The following CUEDC2 variants were observed in gnomAD, a reference collection of about 807,000 sequenced individuals.
CUEDC2 encodes the protein CUE domain-containing protein 2.
CUEDC2 carries 10 observed loss-of-function variants against 36.0 expected under a neutral mutation model. The observed-to-expected ratio is 0.28, with a 90% CI of 0.17 to 0.47. The LOEUF (loss-of-function observed/expected upper bound fraction) is 0.47, where lower values mean the gene tolerates loss of function less well. Ranked by LOEUF, CUEDC2 falls within the 20% of genes least tolerant of loss-of-function variation. CUEDC2 has a pLI of 0.99. For synonymous variants in CUEDC2, 133 were observed against 141.8 expected, an observed-to-expected ratio of 0.94 and a Z score of 0.44; for missense variants, 269 against 368.1, an observed-to-expected ratio of 0.73 and a Z score of 2.20.
intron 1 of CUEDC2, among the ~76,000 whole-genome samples, chr10:102,430,147 T>TTTTTTTTATTTATTTA (rs369900351): frequency 3.3e-5 from 4 of 120,470 alleles, no homozygotes; most frequent in African/African-American, 1.3e-4. Context: ...TTTTTTTTAA[T>TTTTTTTTATTTATTTA]TTTATTTATT....
At position 102,423,969 on chromosome 10, in the gene CUEDC2, A is replaced by C; in HGVS notation, c.594+27T>G. ...CAAGGTGGAATGTAGCTGAGGCTAC[A>C]TGGTAGAGGGTGCTGGGAAAAGATA... On this transcript the variant is annotated intron_variant, in intron 6 of 8. Coordinates refer to ENST00000369937, the MANE Select transcript of CUEDC2 (RefSeq NM_024040.3). This position sits in a 1 kb window ranked among gnomAD's most constrained non-coding sequence, Gnocchi z 5.6. The C allele has an allele frequency of 1.9e-6, 3 of 1,610,736 alleles. No homozygotes were observed. The highest frequency in any genetic ancestry group is 2.5e-6 in the Non-Finnish European group (3 of 1,178,388).
intron 1 of CUEDC2, among the ~76,000 whole-genome samples, chr10:102,431,434 G>A (rs575426621): frequency 1.3e-5 from 2 of 152,050 alleles, no homozygotes; most frequent in East Asian, 1.9e-4. Context: ...ATGAACCACC[G>A]CGCCCGGCCG....
At chr10:102,430,150 T>A (rs1479635641) in intron 1 of CUEDC2, among the ~76,000 whole-genome samples, 4 of 142,654 alleles carry the variant, frequency 2.8e-5, no homozygotes, top group Admixed American at 7.0e-5. Flanking sequence ...TTTTTAATTT[T>A]ATTTATTTAT....
In CUEDC2 at chr10:102,424,147, C is replaced by T; in HGVS notation, c.443G>A (p.Gly148Glu). 1 of 1,614,034 alleles carries T rather than the reference C, an allele frequency of 6.2e-7. No homozygotes were observed. ...GAACACCTCCAGGAGTACATCCACCCCTGGCAGAAGCTCCTCCTCAGCGCC... is the reference window on the plus strand; with the variant it reads ...GAACACCTCCAGGAGTACATCCACCTCTGGCAGAAGCTCCTCCTCAGCGCC... ...ATGAEEELLP[G>E]VDVLLEVFPT... Residue 148 changes from glycine to glutamate, a missense_variant, in exon 6 of 9, where the codon GGG becomes GAG. Physicochemically the swap from Gly to Glu is moderately conservative, Grantham distance 98. Transcript: ENST00000369937. The surrounding 1 kb of genome is among the most constrained non-coding windows in gnomAD (Gnocchi z 4.2).
intron 1 of CUEDC2, 107 bp from the exon 2 acceptor site, chr10:102,425,305 G>T: frequency 1.3e-6 from 1 of 756,774 alleles, no homozygotes; most frequent in Non-Finnish European, 2.3e-6. Flanking sequence ...ACCATCTGTT[G>T]ATGCTGCCCT....
At chr10:102,431,436 G>T (rs2061616446) in intron 1 of CUEDC2, among the ~76,000 whole-genome samples, 1 of 152,078 alleles carries the variant, frequency 6.6e-6, no homozygotes, top group African/African-American at 2.4e-5. Flanking sequence ...GAACCACCGC[G>T]CCCGGCCGTA....
Position 102,424,359 on chromosome 10 carries a change from G to C in CUEDC2, c.316C>G (p.Gln106Glu). ...AGGGGCTCTGGGGAGATGGGCACCTGACCTTGGACACCAGAGCTCTGCGGT... is the reference window on the plus strand; with the variant it reads ...AGGGGCTCTGGGGAGATGGGCACCTCACCTTGGACACCAGAGCTCTGCGGT... Reference protein sequence around the residue: ...LQPQSSGVQGQVPISPEPLQR... With the variant: ...LQPQSSGVQGEVPISPEPLQR... Residue 106 changes from glutamine to glutamate, a missense_variant, in exon 5 of 9, where the codon CAG (glutamine) becomes GAG (glutamate). Coordinates refer to ENST00000369937, the MANE Select transcript of CUEDC2 (RefSeq NM_024040.3). This position sits in a 1 kb window ranked among gnomAD's most constrained non-coding sequence, Gnocchi z 4.2. 2 of 1,614,142 alleles carry C rather than the reference G, an allele frequency of 1.2e-6. No homozygotes were observed. The highest frequency in any genetic ancestry group is 1.7e-6 in the Non-Finnish European group (2 of 1,180,008).
chr10:102,426,103 C>T (rs1173380904), intron 1 of CUEDC2, among the ~76,000 whole-genome samples: 1 of 152,168 alleles, frequency 6.6e-6, no homozygotes, highest in East Asian at 1.9e-4. Flanking sequence ...TCTGTCTGCC[C>T]CCATAAAATG....
chr10:102,423,282 C>T lies in CUEDC2; in HGVS notation c.*144G>A. ...GCCACCTTTACTGTGCCCATGGAGG[C>T]AGCTCCGAGAGTAGGTTAACACTAT... On this transcript the variant is annotated 3_prime_UTR_variant, in exon 9 of 9. Coordinates refer to ENST00000369937, the MANE Select transcript of CUEDC2 (RefSeq NM_024040.3). This position sits in a 1 kb window ranked among gnomAD's most constrained non-coding sequence, Gnocchi z 5.6. 1 of 1,069,350 alleles carries T rather than the reference C, an allele frequency of 9.4e-7. No homozygotes were observed. The highest frequency in any genetic ancestry group is 1.5e-5 in the South Asian group (1 of 66,706). 66.2% of individuals were successfully genotyped at this position (1,069,350 alleles called of 1,614,324 possible).
intron 1 of CUEDC2, among the ~76,000 whole-genome samples, chr10:102,425,807 G>T (rs922737607): frequency 1.4e-4 from 21 of 151,878 alleles, no homozygotes; most frequent in African/African-American, 4.8e-4. Context: ...AAGGCCTGAG[G>T]AGCCCACAGA....
In CUEDC2 at chr10:102,424,306, C is replaced by G; in HGVS notation, c.369G>C (p.Glu123Asp). Reference sequence around the variant, plus strand: ...CAGCAGCAGCAGCCGAAGACCTAGTCTCTTCTTTGAGCATTTCGGGCCGCT... The same window carrying G: ...CAGCAGCAGCAGCCGAAGACCTAGTGTCTTCTTTGAGCATTTCGGGCCGCT... ...PLQRPEMLKE[E>D]TRSSAAAAAD... The change falls in exon 5 of 9, where the codon GAG (glutamate) becomes GAC (aspartate). Residue 123 changes from glutamate (E) to aspartate (D), a missense_variant. Physicochemically the swap from Glu to Asp is conservative, Grantham distance 45. Coordinates refer to ENST00000369937, the MANE Select transcript of CUEDC2 (RefSeq NM_024040.3). The surrounding 1 kb of genome is among the most constrained non-coding windows in gnomAD (Gnocchi z 4.2). 1 of 1,614,200 alleles carries G rather than the reference C, an allele frequency of 6.2e-7. No homozygotes were observed. Among genetic ancestry groups the G allele is most frequent in the Non-Finnish European group, 8.5e-7 (1 of 1,180,026 alleles).
Position 102,423,401 on chromosome 10 carries a change from G to C in CUEDC2, c.*25C>G. 2 of 1,614,110 alleles carry C rather than the reference G, an allele frequency of 1.2e-6. No individual in the cohort carries two copies. The highest frequency in any genetic ancestry group is 1.7e-6 in the Non-Finnish European group (2 of 1,180,006). On this transcript the variant is annotated 3_prime_UTR_variant, in exon 9 of 9. Coordinates refer to ENST00000369937, the MANE Select transcript of CUEDC2 (RefSeq NM_024040.3). The surrounding 1 kb of genome is among the most constrained non-coding windows in gnomAD (Gnocchi z 5.6). ...TCCCTCTGGGATCTGAGCCTAGAAGGCTCGGGCAGAGTCCGGCGAGTGCCT... is the reference window on the plus strand; with the variant it reads ...TCCCTCTGGGATCTGAGCCTAGAAGCCTCGGGCAGAGTCCGGCGAGTGCCT...
chr10:102,425,048 C>T, intron 2 of CUEDC2, 67 bp downstream of exon 2: 1 of 1,362,698 alleles, frequency 7.3e-7, no homozygotes, highest in Non-Finnish European at 1.0e-6. Context: ...TCAGCCAGTA[C>T]CCATAGTACT....
Position 102,423,874 on chromosome 10 carries a change from G to T in CUEDC2, c.595-15C>A, listed in dbSNP as rs777700197. On this transcript the variant is annotated splice_polypyrimidine_tract_variant and intron_variant, in intron 6 of 8. Transcript: ENST00000369937. This position sits in a 1 kb window ranked among gnomAD's most constrained non-coding sequence, Gnocchi z 5.6. ...CTGGGCAGGTCCTGCAGAGAGGGGA[G>T]GCCTGGTCTAGGCCCAAGGGCACCA... The T allele has an allele frequency of 3.1e-6, 5 of 1,610,672 alleles. No individual in the cohort carries two copies. In the African/African-American group the frequency reaches 5.3e-5, roughly 17 times the overall value.
In CUEDC2 at chr10:102,424,465, T is replaced by C. The variant is rs1246357787; in HGVS notation, c.280+34A>G. 1 of 1,614,104 alleles carries C rather than the reference T, an allele frequency of 6.2e-7. No individual in the cohort carries two copies. The highest frequency in any genetic ancestry group is 1.7e-5 in the Admixed American group (1 of 60,022). On this transcript the variant is annotated intron_variant, in intron 4 of 8. Transcript: ENST00000369937. The surrounding 1 kb of genome is among the most constrained non-coding windows in gnomAD (Gnocchi z 4.2). ...GCAGGCAGTTGGGGGAGCGGGATTA[T>C]GAATCACTCAGGTGCCCAGAGCCCC...
Position 102,423,770 on chromosome 10 carries a change from GGCCCA to G in CUEDC2, c.656+23_656+27del, listed in dbSNP as rs575331676. ...CTGTCACCCTGGGAAGACCCTCTAG[GGCCCA>G]GCCCAGCCCAGCCCAGACTCACTTC... On this transcript the variant is annotated intron_variant, in intron 7 of 8. Transcript: ENST00000369937. The surrounding 1 kb of genome is among the most constrained non-coding windows in gnomAD (Gnocchi z 5.6). 4.6e-5 allele frequency: 75 copies of G among 1,613,790 alleles called. 1 individual carries two copies. The highest frequency in any genetic ancestry group is 1.8e-4 in the Admixed American group (11 of 59,976).
chr10:102,423,951 G>A lies in CUEDC2; in HGVS notation c.594+45C>T. 6.2e-7 allele frequency: 1 copy of A among 1,604,618 alleles called. No individual in the cohort carries two copies. Among genetic ancestry groups the A allele is most frequent in the Non-Finnish European group, 8.5e-7 (1 of 1,174,852 alleles). ...GGGGTTGGGGCTTAACACCAAGGTG[G>A]AATGTAGCTGAGGCTACATGGTAGA... On this transcript the variant is annotated intron_variant, in intron 6 of 8. Coordinates refer to ENST00000369937, the MANE Select transcript of CUEDC2 (RefSeq NM_024040.3). This position sits in a 1 kb window ranked among gnomAD's most constrained non-coding sequence, Gnocchi z 5.6.
chr10:102,426,864 G>A (rs1241843325), intron 1 of CUEDC2, among the ~76,000 whole-genome samples: 3 of 151,742 alleles, frequency 2.0e-5, no homozygotes, highest in Non-Finnish European at 2.9e-5. Flanking sequence ...TCCAGGGTTC[G>A]AGACCCAGGC....
chr10:102,425,012 T>C, intron 2 of CUEDC2, 103 bp downstream of exon 2: 3 of 1,073,102 alleles, frequency 2.8e-6, no homozygotes, highest in Non-Finnish European at 4.2e-6. Flanking sequence ...CAGCAAATCC[T>C]AGTCAGCCCT....
Sources: allele counts gnomAD v4.1 joint callset (sites outside exome capture counted in the v4.1 genomes callset), GRCh38; gene constraint gnomAD v4.1.1; non-coding constraint Gnocchi (gnomAD v3.1); transcripts MANE v1.5; gene names NCBI Gene and HGNC (gene_info 2026-07-23, HGNC 2026-07-21).